EBF2: variants seen among roughly 807,000 people sequenced by gnomAD.
EBF2 encodes the protein transcription factor COE2.
EBF2 carries 21 observed loss-of-function variants against 72.8 expected under a neutral mutation model. That is an observed-to-expected ratio of 0.29 (90% CI 0.20 to 0.42). The LOEUF (loss-of-function observed/expected upper bound fraction) is 0.42. EBF2 is among the 10% of genes least tolerant of loss of function. The probability of loss-of-function intolerance (pLI) is 1.00; values close to 1 mark genes in which losing one functional copy is unlikely to be tolerated. For missense variants in EBF2, 637 were observed against 731.2 expected (o/e 0.87, Z 1.49); for synonymous variants, 299 against 274.2 (o/e 1.09, Z -0.89).
intron 6 of EBF2, among the ~76,000 whole-genome samples, chr8:25,998,197 A>C (rs182788150): frequency 1.5e-3 from 223 of 152,296 alleles, no homozygotes; most frequent in African/African-American, 4.4e-3. Context: ...AATAAGGGCA[A>C]GACATAATTC....
chr8:25,847,890 A>G (rs1322599708), intron 15 of EBF2, among the ~76,000 whole-genome samples: 1 of 152,132 alleles, frequency 6.6e-6, no homozygotes, highest in Admixed American at 6.5e-5. Context: ...CAAACATTTT[A>G]TCTTTTAGAG....
At chr8:26,030,063 C>T (rs190072871) in intron 6 of EBF2, among the ~76,000 whole-genome samples, 83 of 152,190 alleles carry the variant, frequency 5.5e-4, no homozygotes, top group African/African-American at 1.9e-3. Flanking sequence ...AGGTGTGCAC[C>T]ACCACACCTG....
At chr8:25,897,857 C>A (rs1802884241) in intron 7 of EBF2, among the ~76,000 whole-genome samples, 1 of 152,194 alleles carries the variant, frequency 6.6e-6, no homozygotes, top group Non-Finnish European at 1.5e-5. Context: ...GAACAATTTC[C>A]TTTCCTTTGA....
intron 10 of EBF2, among the ~76,000 whole-genome samples, chr8:25,884,752 T>C (rs1219120594): frequency 6.6e-6 from 1 of 152,052 alleles, no homozygotes; most frequent in African/African-American, 2.4e-5. Flanking sequence ...TGCAATAGAA[T>C]CTCCCATAGA....
At chr8:26,008,839 TCAAAAA>T (rs1804927308) in intron 6 of EBF2, among the ~76,000 whole-genome samples, 1 of 15,722 alleles carries the variant, frequency 6.4e-5, no homozygotes, top group African/African-American at 2.5e-4. Context: ...TATCAACCTC[TCAAAAA>T]AAAAAAAAAA....
intron 6 of EBF2, among the ~76,000 whole-genome samples, chr8:25,931,562 A>T (rs1019656729): frequency 2.6e-5 from 4 of 152,226 alleles, no homozygotes; most frequent in African/African-American, 9.6e-5. Context: ...AAAATTTGTC[A>T]CCTAGCTAAT....
In EBF2 at chr8:25,861,206, G is replaced by A. The variant is rs17054490; in HGVS notation, c.1185C>T (p.Ala395=). 5.8e-5 allele frequency: 93 copies of A among 1,613,080 alleles called. No homozygotes were observed. Among genetic ancestry groups the A allele is most frequent in the South Asian group, 7.7e-5 (7 of 90,978 alleles). The change falls in exon 13 of 16, where the codon GCC becomes GCT. Residue 395 remains alanine, a synonymous_variant. Coordinates refer to ENST00000520164, the MANE Select transcript of EBF2 (RefSeq NM_022659.4). ...TGTAGAGAGCTTCAGCAATGTCTGC[G>A]GCTCGCTTCAAAATGATGTCCTACA... ...HNNQDIILKR[A]ADIAEALYSV...
At chr8:25,847,231 C>T (rs763351265) in intron 15 of EBF2, among the ~76,000 whole-genome samples, 11 of 152,116 alleles carry the variant, frequency 7.2e-5, no homozygotes, top group South Asian at 4.2e-4. Flanking sequence ...CCTTTGCAGA[C>T]AATGAAGTCT....
chr8:25,934,202 C>A (rs1293714710), intron 6 of EBF2, among the ~76,000 whole-genome samples: 3 of 147,100 alleles, frequency 2.0e-5, no homozygotes, highest in African/African-American at 7.5e-5. Flanking sequence ...CAGGCTGCTG[C>A]TTATTGTTGA....
At chr8:25,964,993 G>A (rs1804091920) in intron 6 of EBF2, among the ~76,000 whole-genome samples, 1 of 152,254 alleles carries the variant, frequency 6.6e-6, no homozygotes, top group East Asian at 1.9e-4. Flanking sequence ...ATAATTGATG[G>A]AGCTATGATA....
At chr8:25,999,326 C>CA (rs1804684425) in intron 6 of EBF2, among the ~76,000 whole-genome samples, 1 of 151,960 alleles carries the variant, frequency 6.6e-6, no homozygotes, top group African/African-American at 2.4e-5. Flanking sequence ...ATTTGGGGGC[C>CA]AATGAAGATA....
intron 6 of EBF2, among the ~76,000 whole-genome samples, chr8:25,938,582 C>T (rs1803618539): frequency 1.3e-5 from 2 of 152,038 alleles, no homozygotes; most frequent in African/African-American, 4.8e-5. Flanking sequence ...ATAAGATTTT[C>T]TTTGTGCCTT....
In EBF2 at chr8:26,040,020, G is replaced by C. The variant is rs777910416; in HGVS notation, c.482+8C>G. Reference sequence around the variant, plus strand: ...CTCCAGGAAGGCCTGGGAAAAGGCGGCTCTTACCTACACATCACTTCGTGC... The same window carrying C: ...CTCCAGGAAGGCCTGGGAAAAGGCGCCTCTTACCTACACATCACTTCGTGC... On this transcript the variant is annotated splice_region_variant and intron_variant, in intron 5 of 15. Transcript: ENST00000520164. 3.0e-5 allele frequency: 49 copies of C among 1,613,376 alleles called. No individual in the cohort carries two copies. The African/African-American group carries it at 3.2e-4, about 11-fold the overall frequency.
chr8:25,932,545 C>T (rs1486613943), intron 6 of EBF2, among the ~76,000 whole-genome samples: 1 of 152,148 alleles, frequency 6.6e-6, no homozygotes, highest in East Asian at 1.9e-4. Flanking sequence ...GCAGAAGCCT[C>T]CTGCCTACAA....
chr8:25,967,227 G>T (rs1421643798), intron 6 of EBF2, among the ~76,000 whole-genome samples: 1 of 152,208 alleles, frequency 6.6e-6, no homozygotes. Flanking sequence ...TAAGAACAGA[G>T]GCTAAGGCAA....
At chr8:25,870,429 C>A (rs900684793) in intron 10 of EBF2, among the ~76,000 whole-genome samples, 21 of 151,928 alleles carry the variant, frequency 1.4e-4, no homozygotes, top group African/African-American at 5.1e-4. Context: ...CCCTTTCCAT[C>A]TGCATGGCTG....
At chr8:25,914,593 C>T (rs546309018) in intron 6 of EBF2, among the ~76,000 whole-genome samples, 11 of 152,302 alleles carry the variant, frequency 7.2e-5, no homozygotes, top group African/African-American at 2.6e-4. Context: ...TTGGTGATGA[C>T]GCATCTGAGA....
At chr8:25,931,075 T>G (rs1803471961) in intron 6 of EBF2, among the ~76,000 whole-genome samples, 1 of 152,222 alleles carries the variant, frequency 6.6e-6, no homozygotes, top group African/African-American at 2.4e-5. Flanking sequence ...ATATTTTCAA[T>G]GTTCATTTCC....
At chr8:25,879,826 C>T (rs1403166967) in intron 10 of EBF2, among the ~76,000 whole-genome samples, 1 of 152,168 alleles carries the variant, frequency 6.6e-6, no homozygotes, top group Non-Finnish European at 1.5e-5. Context: ...AGAAAGTCTC[C>T]ATTGTCTTTG....
Sources: gnomAD v4.1 joint callset for allele counts (sites outside exome capture counted in the v4.1 genomes callset) on GRCh38, gnomAD v4.1.1 for gene constraint, MANE v1.5 for transcripts, NCBI Gene and HGNC (gene_info 2026-07-23, HGNC 2026-07-21) for gene names.